The following TEX9 variants were observed in gnomAD, a reference collection of about 807,000 sequenced individuals.
TEX9 encodes the protein testis-expressed protein 9.
A neutral mutation model predicts 59.6 loss-of-function variants in TEX9; 74 were observed. That is an observed-to-expected ratio of 1.24 (90% confidence interval 1.03 to 1.51). The LOEUF is 1.51. Ranked by LOEUF, TEX9 falls within the 40% of genes most tolerant of loss-of-function variation. The probability of loss-of-function intolerance (pLI) is 0.00; values close to 1 mark genes in which losing one functional copy is unlikely to be tolerated. For missense variants in TEX9, 522 were observed against 447.8 expected (o/e 1.17, Z -1.49); for synonymous variants, 186 against 152.2 (o/e 1.22, Z -1.64).
intron 9 of TEX9, among the ~76,000 whole-genome samples, chr15:56,407,256 TG>T (rs1446149858): frequency 6.6e-6 from 1 of 152,198 alleles, no homozygotes; most frequent in Non-Finnish European, 1.5e-5. Flanking sequence ...GCTGTGTTTA[TG>T]TATGGGTCTT....
chr15:56,387,814 T>C (rs939427095), intron 4 of TEX9, among the ~76,000 whole-genome samples: 7 of 151,946 alleles, frequency 4.6e-5, no homozygotes, highest in African/African-American at 1.7e-4. Context: ...AGATAATACA[T>C]AAATGAGTGA....
At chr15:56,344,204 A>G (rs1024701762) in intron 1 of TEX9, among the ~76,000 whole-genome samples, 9 of 152,230 alleles carry the variant, frequency 5.9e-5, no homozygotes, top group African/African-American at 1.9e-4. Flanking sequence ...TGTTCACTCT[A>G]AAGCTTGCAC....
At chr15:56,434,027 A>C in intron 12 of TEX9, 1 of 1,187,024 alleles carries the variant, frequency 8.4e-7, no homozygotes, top group Non-Finnish European at 1.2e-6. Context: ...ATTAGTAAAC[A>C]TACTAACATT....
intron 12 of TEX9, among the ~76,000 whole-genome samples, chr15:56,430,535 G>T (rs1334246593): frequency 6.6e-6 from 1 of 152,140 alleles, no homozygotes; most frequent in Non-Finnish European, 1.5e-5. Flanking sequence ...GTCACAGTGT[G>T]TCTCAGGTAT....
chr15:56,357,825 T>A lies in TEX9; in HGVS notation c.-106-15616T>A, dbSNP rs372957759. Among the ~76,000 whole-genome samples, 7 of 152,298 alleles carry A rather than the reference T, an allele frequency of 4.6e-5. No individual in the cohort carries two copies. In the East Asian group the frequency reaches 1.4e-3, roughly 29 times the overall value. On this transcript the variant is annotated intron_variant, in intron 1 of 5. Coordinates refer to the TEX9 transcript ENST00000560827. The stretch of plus-strand genomic sequence containing the variant: ...TTGTTGTGATTCTGTCCCTTATTTC[T>A]ATTTCTTTCTAAATAGATTTTCTCT...
chr15:56,264,321 A>G, intron 1 of TEX9, among the ~76,000 whole-genome samples: 1 of 152,156 alleles, frequency 6.6e-6, no homozygotes, highest in Admixed American at 6.6e-5. Context: ...GTATTTCCCC[A>G]AGCACTACTA....
intron 1 of TEX9, among the ~76,000 whole-genome samples, chr15:56,256,242 G>A (rs1470081851): frequency 1.3e-5 from 2 of 152,012 alleles, no homozygotes; most frequent in Non-Finnish European, 2.9e-5. Flanking sequence ...TGTCACAGAT[G>A]AGGAACTGAA....
At chr15:56,327,322 A>G (rs1030024851) in intron 1 of TEX9, among the ~76,000 whole-genome samples, 2 of 152,112 alleles carry the variant, frequency 1.3e-5, no homozygotes, top group Non-Finnish European at 2.9e-5. Context: ...AAAATGCTTT[A>G]TTTCAGTTTC....
intron 9 of TEX9, among the ~76,000 whole-genome samples, chr15:56,399,543 C>A (rs184728583): frequency 6.6e-6 from 1 of 152,226 alleles, no homozygotes; most frequent in South Asian, 2.1e-4. Flanking sequence ...CGTAGCTGAG[C>A]AAAAGGCAGC....
At chr15:56,288,777 AT>A in intron 1 of TEX9, among the ~76,000 whole-genome samples, 1 of 152,026 alleles carries the variant, frequency 6.6e-6, no homozygotes, top group Non-Finnish European at 1.5e-5. Context: ...ATATGTATAT[AT>A]TTTCCCAGAT....
chr15:56,348,833 C>G (rs146379593), intron 1 of TEX9, among the ~76,000 whole-genome samples: 131 of 152,038 alleles, frequency 8.6e-4, no homozygotes, highest in Admixed American at 1.8e-3. Context: ...CTGTCTTTTC[C>G]TTCCTCCTGT....
At chr15:56,413,949 G>C (rs1243937447) in intron 10 of TEX9, among the ~76,000 whole-genome samples, 2 of 151,494 alleles carry the variant, frequency 1.3e-5, no homozygotes, top group Non-Finnish European at 2.9e-5. Flanking sequence ...CATATTCAGG[G>C]GCCATCAATG....
intron 1 of TEX9, among the ~76,000 whole-genome samples, chr15:56,347,012 T>C (rs1266222272): frequency 6.6e-6 from 1 of 152,228 alleles, no homozygotes; most frequent in Non-Finnish European, 1.5e-5. Flanking sequence ...TACTTAGGTG[T>C]AAATTTAACC....
intron 1 of TEX9, among the ~76,000 whole-genome samples, chr15:56,270,101 G>T (rs2044491196): frequency 2.0e-5 from 3 of 152,200 alleles, no homozygotes; most frequent in African/African-American, 7.2e-5. Flanking sequence ...GTGATGTGGT[G>T]CTGAGAAGAA....
At chr15:56,441,502 A>T (rs746477683) in intron 12 of TEX9, among the ~76,000 whole-genome samples, 11 of 152,212 alleles carry the variant, frequency 7.2e-5, no homozygotes, top group Admixed American at 1.3e-4. Flanking sequence ...GGACCTGGCA[A>T]AGATTTCATG....
intron 3 of TEX9, among the ~76,000 whole-genome samples, chr15:56,383,450 G>A (rs1298929758): frequency 6.6e-6 from 1 of 152,214 alleles, no homozygotes; most frequent in Non-Finnish European, 1.5e-5. Context: ...AATGAATAGT[G>A]TAGGCTTCTA....
Position 56,381,243 on chromosome 15 carries a change from G to T in TEX9, c.184-2709G>T, listed in dbSNP as rs1074018. Among the ~76,000 whole-genome samples, 4 of 152,102 alleles carry T rather than the reference G, an allele frequency of 2.6e-5. No homozygotes were observed. In the East Asian group the frequency reaches 7.7e-4, roughly 29 times the overall value. ...TGCATTTTTAACTCCAGAATTTCTC[G>T]ATTCTTTTTAATTATGTCAATCTGT... On this transcript the variant is annotated intron_variant, in intron 3 of 12. Transcript: ENST00000352903.
intron 1 of TEX9, among the ~76,000 whole-genome samples, chr15:56,347,353 G>T (rs951636865): frequency 1.1e-4 from 16 of 152,056 alleles, no homozygotes; most frequent in Non-Finnish European, 1.9e-4. Context: ...AGTAATCAGG[G>T]TATGTCCTAT....
chr15:56,307,480 C>A (rs987591520), intron 1 of TEX9, among the ~76,000 whole-genome samples: 18 of 152,188 alleles, frequency 1.2e-4, no homozygotes, highest in African/African-American at 4.1e-4. Context: ...CAGGAAATAG[C>A]CTCAACTCTG....
Sources: allele counts gnomAD v4.1 joint callset (sites outside exome capture counted in the v4.1 genomes callset), GRCh38; gene constraint gnomAD v4.1.1; transcripts MANE v1.5; gene names NCBI Gene and HGNC (gene_info 2026-07-23, HGNC 2026-07-21).